ABHD17A: variants seen among roughly 807,000 people sequenced by gnomAD.
The protein encoded by ABHD17A is abhydrolase domain containing 17A, depalmitoylase.
A neutral mutation model predicts 26.8 loss-of-function variants in ABHD17A; 10 were observed. That is an observed-to-expected ratio of 0.37 (90% confidence interval 0.23 to 0.63). The LOEUF (loss-of-function observed/expected upper bound fraction) is 0.63. Among genes scored for constraint, ABHD17A ranks in the 30% least tolerant of loss-of-function variants. The pLI, the probability that ABHD17A is intolerant of heterozygous loss-of-function variation, is 0.61. For missense variants in ABHD17A, 292 were observed against 457.3 expected, an observed-to-expected ratio of 0.64 and a Z score of 3.30; for synonymous variants, 167 against 210.9, an observed-to-expected ratio of 0.79 and a Z score of 1.80.
rs2012468513 is a variant in ABHD17A, at chr19:1,879,774, T to C, written c.527+147A>G. The C allele has an allele frequency of 7.6e-6, 6 of 785,568 alleles. No homozygotes were observed. The South Asian group carries it at 1.1e-4, about 14-fold the overall frequency. 48.7% of individuals were successfully genotyped at this position (785,568 alleles called of 1,614,324 possible). A position where few individuals can be genotyped will look rare whatever the true frequency, so the allele number is the denominator to read the frequency against. ...CGGCACCTGCACACCCAAGCTCGCC[T>C]GTCCGGCTCTCTGGCCCTGTGCATC... On this transcript the variant is annotated intron_variant, in intron 3 of 4. Transcript: ENST00000292577. The surrounding 1 kb of genome is among the most constrained non-coding windows in gnomAD (Gnocchi z 7.6).
chr19:1,878,909 A>G (rs1246184489), intron 3 of ABHD17A: 1 of 152,300 alleles, frequency 6.6e-6, no homozygotes, highest in East Asian at 1.9e-4. Context: ...AGGTTCCTGC[A>G]GGACAAAGTG....
rs72975668 is a variant in ABHD17A at position 1,880,549 on chromosome 19, G to A, written c.333-434C>T. On this transcript the variant is annotated intron_variant, in intron 2 of 4. Coordinates refer to ENST00000292577, the MANE Select transcript of ABHD17A (RefSeq NM_001130111.2). This position sits in a 1 kb window ranked among gnomAD's most constrained non-coding sequence, Gnocchi z 4.1. ...GGCCCACCTTTCAGGACCTTCCCAG[G>A]GGAGCCCATGCTGCTGCTGGCAGGG... Among the ~76,000 whole-genome samples, 12,571 of 152,264 alleles carry A rather than the reference G, an allele frequency of 0.083. 732 individuals carry two copies. The highest frequency in any genetic ancestry group is 0.27 in the East Asian group (1,374 of 5,172).
In ABHD17A at chr19:1,881,065, C is replaced by A. The variant is rs767469896; in HGVS notation, c.332+170G>T. 6 of 1,598,396 alleles carry A rather than the reference C, an allele frequency of 3.8e-6. No homozygotes were observed. The Admixed American group carries it at 1.0e-4, about 27-fold the overall frequency. Reference sequence around the variant, plus strand: ...TGTCCTTGTCTGCGAGAGAAAATTGCCAGAGGGACGAGGCCGGCCTGACGG... The same window carrying A: ...TGTCCTTGTCTGCGAGAGAAAATTGACAGAGGGACGAGGCCGGCCTGACGG... On this transcript the variant is annotated intron_variant, in intron 2 of 4. Transcript: ENST00000292577.
Position 1,880,530 on chromosome 19 carries a change from C to T in ABHD17A, c.333-415G>A, listed in dbSNP as rs544137946. Among the ~76,000 whole-genome samples, 2 of 152,358 alleles carry T rather than the reference C, an allele frequency of 1.3e-5. No homozygotes were observed. The highest frequency in any genetic ancestry group is 2.1e-4 in the South Asian group (1 of 4,832). On this transcript the variant is annotated intron_variant, in intron 2 of 4. Transcript: ENST00000292577. The surrounding 1 kb of genome is among the most constrained non-coding windows in gnomAD (Gnocchi z 4.1). Reference sequence around the variant, plus strand: ...CCCGGGGATGGAGCGCACAGGCCCACCTTTCAGGACCTTCCCAGGGGAGCC... The same window carrying T: ...CCCGGGGATGGAGCGCACAGGCCCATCTTTCAGGACCTTCCCAGGGGAGCC...
rs2012377888 is a variant in ABHD17A, at chr19:1,877,103, G to T, written c.*97C>A. 5.4e-6 allele frequency: 7 copies of T among 1,288,936 alleles called. No individual in the cohort carries two copies. In the East Asian group the frequency reaches 7.4e-5, roughly 14 times the overall value. 79.8% of individuals were successfully genotyped at this position (1,288,936 alleles called of 1,614,324 possible). A position where few individuals can be genotyped will look rare whatever the true frequency, so the allele number is the denominator to read the frequency against. ...GGGTCGGGGCGGGGTCCCCTGGGCC[G>T]CCCGGGGGGTCCACATGCAGCCCCT... On this transcript the variant is annotated 3_prime_UTR_variant, in exon 5 of 5. Transcript: ENST00000292577.
rs758328011 is a variant in ABHD17A at position 1,881,570 on chromosome 19, G to A, written c.-4C>T. 24 of 1,587,808 alleles carry A rather than the reference G, an allele frequency of 1.5e-5. 1 individual carries two copies. The highest frequency in any genetic ancestry group is 1.2e-4 in the Admixed American group (7 of 58,036). On this transcript the variant is annotated 5_prime_UTR_variant, in exon 2 of 5. Coordinates refer to ENST00000292577, the MANE Select transcript of ABHD17A (RefSeq NM_001130111.2). Reference sequence around the variant, plus strand: ...CACTCAGCGACAGCCCATTCATGGCGGGCGCCGCCCAGGCCGGGCCTCCAC... The same window carrying A: ...CACTCAGCGACAGCCCATTCATGGCAGGCGCCGCCCAGGCCGGGCCTCCAC...
chr19:1,885,054 C>T (rs1354916054), intron 1 of ABHD17A, among the ~76,000 whole-genome samples: 1 of 152,160 alleles, frequency 6.6e-6, no homozygotes, highest in African/African-American at 2.4e-5. Context: ...GGGGCAGTTT[C>T]GGGGCAAAAG....
In ABHD17A at chr19:1,877,090, G is replaced by T; in HGVS notation, c.*110C>A. ...GTCCACAGCCCCTGGGTCGGGGCGGGGTCCCCTGGGCCGCCCGGGGGGTCC... is the reference window on the plus strand; with the variant it reads ...GTCCACAGCCCCTGGGTCGGGGCGGTGTCCCCTGGGCCGCCCGGGGGGTCC... On this transcript the variant is annotated 3_prime_UTR_variant, in exon 5 of 5. Transcript: ENST00000292577. 1.0e-6 allele frequency: 1 copy of T among 996,978 alleles called. No homozygotes were observed. Among genetic ancestry groups the T allele is most frequent in the African/African-American group, 1.6e-5 (1 of 62,984 alleles). 61.8% of individuals were successfully genotyped at this position (996,978 alleles called of 1,614,324 possible).
chr19:1,877,265 A>G lies in ABHD17A; in HGVS notation c.868T>C (p.Tyr290His), dbSNP rs1194776297. 1 of 1,535,614 alleles carries G rather than the reference A, an allele frequency of 6.5e-7. No individual in the cohort carries two copies. The change falls in exon 5 of 5, where the codon TAC (tyrosine) becomes CAC (histidine). Residue 290 changes from tyrosine (Y) to histidine (H), a missense_variant. Coordinates refer to ENST00000292577, the MANE Select transcript of ABHD17A (RefSeq NM_001130111.2). ...CGCAGGCGCTCCAGGTACTGGCTGT[A>G]GAGCTCGATGTCGTTGTGCCCGGCG... ...EGAGHNDIELYSQYLERLRRF... is the reference protein window; with the variant it reads ...EGAGHNDIELHSQYLERLRRF...
Position 1,881,251 on chromosome 19 carries a change from A to G in ABHD17A, c.316T>C (p.Cys106Arg). The G allele has an allele frequency of 1.2e-6, 2 of 1,611,108 alleles. No individual in the cohort carries two copies. Among genetic ancestry groups the G allele is most frequent in the Non-Finnish European group, 1.7e-6 (2 of 1,179,732 alleles). The change falls in exon 2 of 5, where the codon TGC (cysteine) becomes CGC (arginine). Residue 106 changes from cysteine to arginine, a missense_variant. By Grantham distance (180) the Cys-to-Arg change is radical. This residue lies in a region of ABHD17A where 171 missense variants were observed against 216.1 expected (regional missense o/e 0.79). Coordinates refer to ENST00000292577, the MANE Select transcript of ABHD17A (RefSeq NM_001130111.2). Reference protein sequence around the residue: ...GNRVSCMYVRCVPGARYTVLF... With the variant: ...GNRVSCMYVRRVPGARYTVLF... ...GCTGCTCACCTGGCACCAGGCACGC[A>G]GCGAACATACATGCAGGAGACGCGG...
rs1318456537 is a variant in ABHD17A at position 1,879,609 on chromosome 19, C to T, written c.527+312G>A. ...GCACAGACCCCCAGACCACCACCCA[C>T]TCCCTCCCGCCGGGTGGCATCCACA... On this transcript the variant is annotated intron_variant, in intron 3 of 4. Coordinates refer to ENST00000292577, the MANE Select transcript of ABHD17A (RefSeq NM_001130111.2). This position sits in a 1 kb window ranked among gnomAD's most constrained non-coding sequence, Gnocchi z 7.6. 1 of 449,760 alleles carries T rather than the reference C, an allele frequency of 2.2e-6. No individual in the cohort carries two copies. Among genetic ancestry groups the T allele is most frequent in the Non-Finnish European group, 4.1e-6 (1 of 242,802 alleles). 27.9% of individuals were successfully genotyped at this position (449,760 alleles called of 1,614,324 possible).
intron 3 of ABHD17A, chr19:1,878,161 G>A (rs1170892977): frequency 6.1e-6 from 1 of 163,586 alleles, no homozygotes; most frequent in Non-Finnish European, 1.3e-5. Context: ...CCTTGGCCAT[G>A]AGGAATTCAG....
chr19:1,881,421 C>A lies in ABHD17A; in HGVS notation c.146G>T (p.Gly49Val). 1 of 1,602,164 alleles carries A rather than the reference C, an allele frequency of 6.2e-7. No individual in the cohort carries two copies. Among genetic ancestry groups the A allele is most frequent in the Non-Finnish European group, 8.5e-7 (1 of 1,178,106 alleles). ...PEPEPGPGGA[G>V]AAPLGTLRAS... ...TCTCAGGGTCCCCAAGGGGGCGGCCCCGGCCCCACCAGGCCCCGGCTCGGG... is the reference window on the plus strand; with the variant it reads ...TCTCAGGGTCCCCAAGGGGGCGGCCACGGCCCCACCAGGCCCCGGCTCGGG... The change falls in exon 2 of 5, where the codon GGG becomes GTG. Residue 49 changes from glycine (G) to valine (V), a missense_variant. By Grantham distance (109) the Gly-to-Val change is moderately radical. Coordinates refer to ENST00000292577, the MANE Select transcript of ABHD17A (RefSeq NM_001130111.2).
Position 1,877,581 on chromosome 19 carries a change from A to G in ABHD17A, c.634T>C (p.Ser212Pro), listed in dbSNP as rs1324333064. 8 of 1,595,130 alleles carry G rather than the reference A, an allele frequency of 5.0e-6. No homozygotes were observed. The highest frequency in any genetic ancestry group is 3.3e-5 in the Admixed American group (2 of 59,912). Residue 212 changes from serine to proline, a missense_variant, in exon 4 of 5, where the codon TCG (serine) becomes CCG (proline). Transcript: ENST00000292577. Reference protein sequence around the residue: ...RYECAAVVLHSPLTSGMRVAF... With the variant: ...RYECAAVVLHPPLTSGMRVAF... ...ACGCGCATGCCCGAGGTGAGCGGCG[A>G]GTGCAGCACCACCGCGGCACACTCG...
intron 1 of ABHD17A, among the ~76,000 whole-genome samples, chr19:1,884,793 GT>G (rs1158254837): frequency 6.6e-6 from 1 of 152,172 alleles, no homozygotes; most frequent in Admixed American, 6.5e-5. Flanking sequence ...GCCCCCGAGA[GT>G]TTGCACTTCA....
intron 2 of ABHD17A, 133 bp downstream of exon 2, chr19:1,881,102 C>T: frequency 1.3e-6 from 2 of 1,572,246 alleles, no homozygotes; most frequent in Admixed American, 3.5e-5. Flanking sequence ...GGATACCACC[C>T]TTGCTGGCTG....
At chr19:1,878,661 C>G (rs1402921370) in intron 3 of ABHD17A, 1 of 152,492 alleles carries the variant, frequency 6.6e-6, no homozygotes, top group Non-Finnish European at 1.5e-5. Context: ...GCTCGCCACT[C>G]ACCCATGCCC....
At position 1,877,548 on chromosome 19, in the gene ABHD17A, G is replaced by A. The variant is rs1192825869; in HGVS notation, c.667C>T (p.Pro223Ser). The A allele has an allele frequency of 6.3e-7, 1 of 1,595,590 alleles. No homozygotes were observed. ...PLTSGMRVAFPDTKKTYCFDA... is the reference protein window; with the variant it reads ...PLTSGMRVAFSDTKKTYCFDA... ...AAGCAGTAGGTCTTCTTGGTGTCGG[G>A]GAAGGCGACGCGCATGCCCGAGGTG... is the stretch of plus-strand genomic sequence containing the variant. The change falls in exon 4 of 5, where the codon CCC (proline) becomes TCC (serine). Residue 223 changes from proline (P) to serine (S), a missense_variant. Physicochemically the swap from Pro to Ser is moderately conservative, Grantham distance 74 (BLOSUM62 -1). Around this residue, in one of 4 missense-constraint regions of ABHD17A, gnomAD observed 88 missense variants for 134.3 expected, o/e 0.66. Transcript: ENST00000292577.
rs1454658060 is a variant in ABHD17A at position 1,880,876 on chromosome 19, A to G, written c.332+359T>C. The stretch of plus-strand genomic sequence containing the variant: ...AGGTAAAGGCTCGCCCTCTGGACTC[A>G]GATCTGGTCAGAACCCCACCTGGCG... On this transcript the variant is annotated intron_variant, in intron 2 of 4. Transcript: ENST00000292577. This position sits in a 1 kb window ranked among gnomAD's most constrained non-coding sequence, Gnocchi z 4.1. 1 of 1,612,768 alleles carries G rather than the reference A, an allele frequency of 6.2e-7. No homozygotes were observed. The highest frequency in any genetic ancestry group is 1.7e-5 in the Admixed American group (1 of 59,990).
Sources: allele counts gnomAD v4.1 joint callset (sites outside exome capture counted in the v4.1 genomes callset), GRCh38; gene constraint gnomAD v4.1.1; regional missense constraint gnomAD v4.1.1; non-coding constraint Gnocchi (gnomAD v3.1); transcripts MANE v1.5; gene names NCBI Gene and HGNC (gene_info 2026-07-23, HGNC 2026-07-21).